The following RPL7 variants were observed in gnomAD, a reference collection of about 807,000 sequenced individuals.
The protein encoded by RPL7 is large ribosomal subunit protein uL30.
For missense variants in RPL7, 205 were observed against 301.9 expected, an observed-to-expected ratio of 0.68 and a Z score of 2.38; for synonymous variants, 100 against 102.2, an observed-to-expected ratio of 0.98 and a Z score of 0.13.
chr8:73,293,987 T>C (rs938628308), upstream of RPL7: 5 of 191,008 alleles, frequency 2.6e-5, no homozygotes, highest in Admixed American at 5.9e-5. Context: ...TGCACCAGTC[T>C]TCGCCCGCCC....
chr8:73,291,495 G>A (rs999267802), intron 5 of RPL7, 57 bp downstream of exon 5: 5 of 1,255,716 alleles, frequency 4.0e-6, no homozygotes, highest in African/African-American at 3.0e-5. Flanking sequence ...ACGGCCACAA[G>A]AGGGTAAGAA....
chr8:73,291,617 C>G lies in RPL7; in HGVS notation c.473G>C (p.Gly158Ala), dbSNP rs1465346097. Residue 158 changes from glycine to alanine, a missense_variant, in exon 5 of 7, where the codon GGT becomes GCT. Transcript: ENST00000352983. The part of the protein sequence containing the change: ...KSVNELIYKR[G>A]YGKINKKRIA... The stretch of plus-strand genomic sequence containing the variant: ...TCGCTTCTTATTGATTTTGCCATAA[C>G]CACGCTTGTAGATTAGTTCATTTAC... 1 of 1,598,718 alleles carries G rather than the reference C, an allele frequency of 6.3e-7. No individual in the cohort carries two copies. The highest frequency in any genetic ancestry group is 2.3e-5 in the East Asian group (1 of 44,392).
chr8:73,292,517 T>C (rs1354388348), intron 2 of RPL7, 112 bp from the exon 3 acceptor site: 2 of 1,159,330 alleles, frequency 1.7e-6, no homozygotes, highest in African/African-American at 1.5e-5. Flanking sequence ...CTTGCCACAG[T>C]ATGCAATTAC....
intron 2 of RPL7, 27 bp from the exon 3 acceptor site, chr8:73,292,432 A>T: frequency 6.3e-7 from 1 of 1,574,804 alleles, no homozygotes; most frequent in East Asian, 2.2e-5. Context: ...AGTTATTCAT[A>T]ATTTTTAGCT....
chr8:73,291,448 T>C (rs908061616), intron 5 of RPL7, 104 bp downstream of exon 5: 228 of 932,440 alleles, frequency 2.4e-4, no homozygotes, highest in Non-Finnish European at 3.3e-4. Context: ...TCAAGAATCA[T>C]AGGGAACACA....
chr8:73,293,718 G>T (rs932006209), upstream of RPL7: 2 of 1,462,950 alleles, frequency 1.4e-6, no homozygotes, highest in South Asian at 1.2e-5. Flanking sequence ...AGCCGGAAAA[G>T]AATCCAGAAC....
In RPL7 at chr8:73,292,695, T is replaced by C. The variant is rs769318407; in HGVS notation, c.117A>G (p.Gln39=). The change falls in exon 2 of 7, where the codon CAA becomes CAG. Residue 39 remains glutamine (Q), a synonymous_variant. Transcript: ENST00000352983. ...CCTCAAAAAGTTTACTTACCATCTT[T>C]TGGGCAAACTTCTTTCTCAGGCGCT... ...KIKRLRKKFA[Q]KMLRKARRKL... 1.9e-6 allele frequency: 3 copies of C among 1,611,548 alleles called. No homozygotes were observed. The highest frequency in any genetic ancestry group is 1.7e-5 in the Admixed American group (1 of 59,406).
chr8:73,293,704 A>C (rs1814173167), upstream of RPL7: 1 of 1,514,418 alleles, frequency 6.6e-7, no homozygotes, highest in Non-Finnish European at 9.0e-7. Flanking sequence ...GGTGTCTTAG[A>C]ATAAGCCGGA....
chr8:73,292,253 G>A lies in RPL7; in HGVS notation c.276C>T (p.Val92=), dbSNP rs1204947920. 10 of 1,610,578 alleles carry A rather than the reference G, an allele frequency of 6.2e-6. No individual in the cohort carries two copies. Among genetic ancestry groups the A allele is most frequent in the Non-Finnish European group, 8.5e-6 (10 of 1,178,990 alleles). The stretch of plus-strand genomic sequence containing the variant: ...ACTGAACTTACCCTCTGATTCTGAT[G>A]ACAAACGCCAATTTGGGTTCTGCAG... ...YVPAEPKLAF[V]IRIRGINGVS... is the part of the protein sequence containing the mutation. The change falls in exon 3 of 7, where the codon GTC becomes GTT. Residue 92 remains valine (V), a synonymous_variant. Transcript: ENST00000352983.
upstream of RPL7, chr8:73,293,788 C>T: frequency 4.3e-6 from 3 of 695,264 alleles, no homozygotes; most frequent in Non-Finnish European, 7.3e-6. Flanking sequence ...AACAAACTTT[C>T]GGGTAAAACT....
chr8:73,292,875 T>C, intron 1 of RPL7, 78 bp from the exon 2 acceptor site: 3 of 1,043,118 alleles, frequency 2.9e-6, no homozygotes, highest in Non-Finnish European at 4.3e-6. Flanking sequence ...TGAGCAGTGT[T>C]GTTTACCAGA....
At chr8:73,292,427 T>C (rs749557066) in intron 2 of RPL7, 22 bp from the exon 3 acceptor site, 2 of 1,579,204 alleles carry the variant, frequency 1.3e-6, no homozygotes, top group African/African-American at 1.3e-5. Context: ...TAATCAGTTA[T>C]TCATAATTTT....
At chr8:73,291,432 G>A (rs988015492) in intron 5 of RPL7, 120 bp downstream of exon 5, 9 of 898,628 alleles carry the variant, frequency 1.0e-5, no homozygotes, top group Non-Finnish European at 1.5e-5. Flanking sequence ...TTTCTTTTAA[G>A]CTAAATCAAG....
Position 73,291,201 on chromosome 8 carries a change from A to G in RPL7, c.590T>C (p.Val197Ala), listed in dbSNP as rs1413893372. The change falls in exon 6 of 7, where the codon GTT (valine) becomes GCT (alanine). Residue 197 changes from valine (V) to alanine (A), a missense_variant. By Grantham distance (64) the Val-to-Ala change is moderately conservative (BLOSUM62 0). Transcript: ENST00000352983. Reference sequence around the variant, plus strand: ...ATTTGCCTCTTTGAAGCGTTTTCCAACAGTATAGATCTCATGAATCAAATC... The same window carrying G: ...ATTTGCCTCTTTGAAGCGTTTTCCAGCAGTATAGATCTCATGAATCAAATC... Reference protein sequence around the residue: ...MEDLIHEIYTVGKRFKEANNF... With the variant: ...MEDLIHEIYTAGKRFKEANNF... The G allele has an allele frequency of 1.2e-6, 2 of 1,611,580 alleles. No homozygotes were observed. Among genetic ancestry groups the G allele is most frequent in the Non-Finnish European group, 8.5e-7 (1 of 1,177,804 alleles).
chr8:73,293,558 G>A (rs559615238), intron 1 of RPL7, 41 bp downstream of exon 1: 5 of 1,612,492 alleles, frequency 3.1e-6, no homozygotes, highest in Middle Eastern at 1.7e-4. Flanking sequence ...TCTGGCTCTG[G>A]AGATGGAGAA....
chr8:73,291,116 G>C lies in RPL7; in HGVS notation c.675C>G (p.Thr225=), dbSNP rs768915707. The part of the protein sequence containing the change: ...SPRGGMKKKT[T]HFVEGGDAGN... Reference sequence around the variant, plus strand: ...CAGCATCTCCACCTTCTACAAAATGGGTGGTCTTTTTCTTCATTCCACCTC... The same window carrying C: ...CAGCATCTCCACCTTCTACAAAATGCGTGGTCTTTTTCTTCATTCCACCTC... The change falls in exon 6 of 7, where the codon ACC becomes ACG. Residue 225 remains threonine, a synonymous_variant. Coordinates refer to ENST00000352983, the MANE Select transcript of RPL7 (RefSeq NM_000971.4). 74 of 1,608,246 alleles carry C rather than the reference G, an allele frequency of 4.6e-5. No homozygotes were observed. In the Middle Eastern group the frequency reaches 9.6e-4, roughly 21 times the overall value.
chr8:73,292,630 C>CA, intron 2 of RPL7, 59 bp downstream of exon 2: 1 of 1,278,660 alleles, frequency 7.8e-7, no homozygotes, highest in South Asian at 1.3e-5. Flanking sequence ...ACATTCACCT[C>CA]ATCCTCAATC....
At chr8:73,291,999 C>A in intron 3 of RPL7, 89 bp from the exon 4 acceptor site, 1 of 1,468,054 alleles carries the variant, frequency 6.8e-7, no homozygotes, top group Non-Finnish European at 9.4e-7. Context: ...TCGAATCCTA[C>A]CTAAACAGAT....
Position 73,293,582 on chromosome 8 carries a change from G to C in RPL7, c.14+17C>G. ...GGAGATGGAGAAGGATTCTCAAGAG[G>C]ACCAGAAGCAACTCACTCTACACCC... On this transcript the variant is annotated intron_variant, in intron 1 of 6. Transcript: ENST00000352983. 1 of 1,613,682 alleles carries C rather than the reference G, an allele frequency of 6.2e-7. No homozygotes were observed. Among genetic ancestry groups the C allele is most frequent in the Non-Finnish European group, 8.5e-7 (1 of 1,179,818 alleles).
Sources: allele counts gnomAD v4.1 joint callset, GRCh38; gene constraint gnomAD v4.1.1; transcripts MANE v1.5; gene names NCBI Gene and HGNC (gene_info 2026-07-23, HGNC 2026-07-21).